PSPC1: variants seen among roughly 807,000 people sequenced by gnomAD.
The protein encoded by PSPC1 is paraspeckle protein 1.
A neutral mutation model predicts 51.6 loss-of-function variants in PSPC1; 14 were observed. The ratio of observed to expected loss-of-function variants is 0.27; its 90% confidence interval spans 0.18 to 0.42. PSPC1 has a LOEUF of 0.42. Among genes scored for constraint, PSPC1 ranks in the 10% least tolerant of loss-of-function variants. PSPC1 has a pLI of 1.00. For missense variants in PSPC1, 406 were observed against 701.1 expected, an observed-to-expected ratio of 0.58 and a Z score of 4.75; for synonymous variants, 193 against 231.9, an observed-to-expected ratio of 0.83 and a Z score of 1.53.
intron 6 of PSPC1, among the ~76,000 whole-genome samples, chr13:19,717,643 C>A (rs1882262493): frequency 6.8e-6 from 1 of 146,298 alleles, no homozygotes; most frequent in South Asian, 2.1e-4. Flanking sequence ...AAGGTGGAGG[C>A]TGCAATGAGC....
chr13:19,698,553 C>A (rs1047995224), downstream of PSPC1, among the ~76,000 whole-genome samples: 2 of 151,728 alleles, frequency 1.3e-5, no homozygotes, highest in Admixed American at 1.3e-4. Context: ...AATTCTAATT[C>A]TATTCTTAAT....
chr13:19,776,239 T>A (rs545046184), intron 1 of PSPC1, among the ~76,000 whole-genome samples: 7 of 152,106 alleles, frequency 4.6e-5, no homozygotes, highest in African/African-American at 1.7e-4. Flanking sequence ...GGAGGAGGGA[T>A]CATGTAAGCC....
At chr13:19,695,508 T>C (rs1879097258) in intron 6 of PSPC1, among the ~76,000 whole-genome samples, 1 of 152,088 alleles carries the variant, frequency 6.6e-6, no homozygotes, top group African/African-American at 2.4e-5. Flanking sequence ...ACAAAAGAAG[T>C]AGTCTTATTT....
At chr13:19,695,543 A>G (rs909198313) in intron 6 of PSPC1, among the ~76,000 whole-genome samples, 10 of 152,180 alleles carry the variant, frequency 6.6e-5, no homozygotes, top group Non-Finnish European at 1.0e-4. Context: ...TCATGCATAA[A>G]TCTACATATT....
chr13:19,673,634 A>AAGAC (rs1169945722), downstream of PSPC1, among the ~76,000 whole-genome samples: 6 of 152,208 alleles, frequency 3.9e-5, no homozygotes. Context: ...AGCAGTAAAG[A>AAGAC]AGACAGTAGG....
chr13:19,746,793 A>G (rs914025035), intron 4 of PSPC1, among the ~76,000 whole-genome samples: 2 of 152,062 alleles, frequency 1.3e-5, no homozygotes, highest in Non-Finnish European at 2.9e-5. Flanking sequence ...TATTATTGTA[A>G]GGTACCCATG....
At chr13:19,671,705 G>A (rs761543380), downstream of PSPC1, 147 of 771,144 alleles carry the variant, frequency 1.9e-4, no homozygotes, top group Non-Finnish European at 2.9e-4. Flanking sequence ...ATCTAACAAT[G>A]TAAATTGATA....
At chr13:19,735,292 C>T (rs1376125513) in intron 5 of PSPC1, among the ~76,000 whole-genome samples, 2 of 152,052 alleles carry the variant, frequency 1.3e-5, no homozygotes, top group Non-Finnish European at 2.9e-5. Flanking sequence ...GCCTGGGCGA[C>T]AAGAACGAAA....
intron 1 of PSPC1, among the ~76,000 whole-genome samples, chr13:19,776,785 G>A (rs1171933479): frequency 2.6e-5 from 4 of 151,316 alleles, no homozygotes; most frequent in African/African-American, 9.7e-5. Flanking sequence ...GGGATTACAG[G>A]CGTGAGCCAC....
intron 4 of PSPC1, among the ~76,000 whole-genome samples, chr13:19,750,140 G>GA (rs1172793113): frequency 6.6e-6 from 1 of 152,142 alleles, no homozygotes; most frequent in Non-Finnish European, 1.5e-5. Flanking sequence ...GAAAAATACT[G>GA]AATCTAGTAC....
At chr13:19,725,379 G>T (rs892094665) in intron 6 of PSPC1, among the ~76,000 whole-genome samples, 4 of 152,114 alleles carry the variant, frequency 2.6e-5, no homozygotes, top group African/African-American at 9.7e-5. Context: ...CACTGGAAAA[G>T]AATATATAAA....
At position 19,692,483 on chromosome 13, in the gene PSPC1, G is replaced by A. The variant is rs149141396; in HGVS notation, c.1159-14660C>T. On this transcript the variant is annotated intron_variant and NMD_transcript_variant, in intron 6 of 7. Coordinates refer to the PSPC1 transcript ENST00000471658. Reference sequence around the variant, plus strand: ...GCAAGAGCAAAAGTAAAAACAGGACGAGTTAGGAATGTATCATAGTCATCT... The same window carrying A: ...GCAAGAGCAAAAGTAAAAACAGGACAAGTTAGGAATGTATCATAGTCATCT... 2.5e-3 allele frequency among the ~76,000 whole-genome samples: 376 copies of A among 152,250 alleles called. 1 individual carries two copies. The highest frequency in any genetic ancestry group is 8.5e-3 in the African/African-American group (354 of 41,558).
intron 6 of PSPC1, among the ~76,000 whole-genome samples, chr13:19,715,320 G>A (rs1193443933): frequency 6.6e-6 from 1 of 152,124 alleles, no homozygotes; most frequent in Non-Finnish European, 1.5e-5. Context: ...CACTAAGTAA[G>A]GTAAATTAAC....
At chr13:19,725,107 G>A (rs1040292145) in intron 6 of PSPC1, among the ~76,000 whole-genome samples, 4 of 152,180 alleles carry the variant, frequency 2.6e-5, no homozygotes, top group Admixed American at 1.3e-4. Flanking sequence ...CACCTGGGAG[G>A]CAGAGGTTGC....
At chr13:19,701,578 C>CA (rs1472596754), downstream of PSPC1, among the ~76,000 whole-genome samples, 11 of 151,992 alleles carry the variant, frequency 7.2e-5, no homozygotes, top group Middle Eastern at 3.2e-3. Context: ...CACTGTGTAT[C>CA]AAAAAAATAG....
chr13:19,740,133 C>T (rs1885286778), intron 5 of PSPC1, among the ~76,000 whole-genome samples: 1 of 152,086 alleles, frequency 6.6e-6, no homozygotes, highest in South Asian at 2.1e-4. Flanking sequence ...CACCTGAGGT[C>T]CGGAGTTCGA....
intron 2 of PSPC1, among the ~76,000 whole-genome samples, chr13:19,765,681 A>C (rs1253891917): frequency 6.7e-6 from 1 of 150,206 alleles, no homozygotes; most frequent in African/African-American, 2.4e-5. Flanking sequence ...CTAAGAAATA[A>C]GGAAGTATCA....
intron 3 of PSPC1, among the ~76,000 whole-genome samples, chr13:19,754,235 C>A (rs900861313): frequency 6.6e-6 from 1 of 151,652 alleles, no homozygotes; most frequent in African/African-American, 2.4e-5. Context: ...CAGGCTCCTG[C>A]CACCACACCC....
intron 8 of PSPC1, among the ~76,000 whole-genome samples, chr13:19,705,092 G>A (rs2137737159): frequency 6.6e-6 from 1 of 152,300 alleles, no homozygotes; most frequent in Admixed American, 6.5e-5. Context: ...GTAAAAGATG[G>A]AAACAAATTA....
Sources: gnomAD v4.1 joint callset for allele counts (sites outside exome capture counted in the v4.1 genomes callset) on GRCh38, gnomAD v4.1.1 for gene constraint, MANE v1.5 for transcripts, NCBI Gene and HGNC (gene_info 2026-07-23, HGNC 2026-07-21) for gene names.